Variants in HEPH observed in about 807,000 individuals in gnomAD.
The protein encoded by HEPH is hephaestin.
Under a neutral mutation model 80.8 loss-of-function variants are expected in HEPH, and 69 were observed. The ratio of observed to expected loss-of-function variants is 0.85; its 90% confidence interval spans 0.70 to 1.04. The LOEUF (loss-of-function observed/expected upper bound fraction) is 1.04. HEPH is among the 50% of genes least tolerant of loss of function. The pLI is 0.00. For synonymous variants in HEPH, 431 were observed against 322.8 expected (o/e 1.34, Z -3.60); for missense variants, 1,115 against 891.3 (o/e 1.25, Z -3.20).
chrX:66,187,049 A>G (rs1475881264), intron 4 of HEPH, among the ~76,000 whole-genome samples: 3 of 110,886 alleles, frequency 2.7e-5, no homozygotes, highest in East Asian at 2.8e-4. Flanking sequence ...TTGCATTTCT[A>G]TAAGTGTGTC....
At chrX:66,257,479 G>T (rs188621391) in intron 17 of HEPH, among the ~76,000 whole-genome samples, 1 of 112,067 alleles carries the variant, frequency 8.9e-6, no homozygotes, top group East Asian at 2.8e-4. Flanking sequence ...AGATGCTTAA[G>T]ATCAAATGTG....
upstream of HEPH, among the ~76,000 whole-genome samples, chrX:66,163,270 T>C (rs937181645): frequency 9.0e-6 from 1 of 111,541 alleles, no homozygotes; most frequent in African/African-American, 3.3e-5. Context: ...ACAGTGACTT[T>C]TCACTCTTCT....
chrX:66,266,605 G>C lies in HEPH; in HGVS notation c.3410G>C (p.Arg1137Thr), dbSNP rs1468153622. 1 of 1,208,003 alleles carries C rather than the reference G, an allele frequency of 8.3e-7. No individual in the cohort carries two copies. Among genetic ancestry groups the C allele is most frequent in the African/African-American group, 1.8e-5 (1 of 56,682 alleles). Reference protein sequence around the residue: ...GGVVWYQHRQRKLRRNRRSIL... With the variant: ...GGVVWYQHRQTKLRRNRRSIL... ...GTGGTTTGGTACCAACATCGACAGA[G>C]AAAGCTACGACGCAATAGGAGGTCC... The change falls in exon 21 of 21, where the codon AGA (arginine) becomes ACA (threonine). Residue 1137 changes from arginine (R) to threonine (T), a missense_variant. Transcript: ENST00000343002.
At chrX:66,259,840 C>T (rs1481972144) in intron 18 of HEPH, among the ~76,000 whole-genome samples, 1 of 109,466 alleles carries the variant, frequency 9.1e-6, no homozygotes, top group African/African-American at 3.3e-5. Context: ...TCCCGAGTAG[C>T]TGGGACTACA....
intron 15 of HEPH, among the ~76,000 whole-genome samples, chrX:66,248,086 C>T (rs2090878377): frequency 9.1e-6 from 1 of 110,303 alleles, no homozygotes; most frequent in Non-Finnish European, 1.9e-5. Context: ...CATTTTTTTA[C>T]TTACCTAAGT....
At chrX:66,189,968 T>A (rs2087703426) in intron 6 of HEPH, 30 bp downstream of exon 6, 1 of 1,146,044 alleles carries the variant, frequency 8.7e-7, no homozygotes, top group Admixed American at 2.7e-5. Flanking sequence ...ACCATTGGGT[T>A]GTAAGAGAGA....
rs1452572124 is a variant in HEPH at position 66,249,339 on chromosome X, A to G, written c.2564-5696A>G. ...TATATACAATGGAATTAATAGTAATATCTGTCTCATAGGGATTTTGAATTA... is the reference window on the plus strand; with the variant it reads ...TATATACAATGGAATTAATAGTAATGTCTGTCTCATAGGGATTTTGAATTA... On this transcript the variant is annotated intron_variant, in intron 15 of 20. Transcript: ENST00000343002. Among the ~76,000 whole-genome samples, 4 of 112,105 alleles carry G rather than the reference A, an allele frequency of 3.6e-5. No homozygotes were observed. The East Asian group carries it at 1.1e-3, about 31-fold the overall frequency.
chrX:66,169,278 A>G lies in HEPH; in HGVS notation c.-13-1280A>G, dbSNP rs777003671. On this transcript the variant is annotated intron_variant, in intron 1 of 20. Transcript: ENST00000343002. ...CACATACGATAAATATAGCTTTATT[A>G]TTATTATTCTGAAGTTGACTAAGAT... is the stretch of plus-strand genomic sequence containing the variant. Among the ~76,000 whole-genome samples, 6 of 112,210 alleles carry G rather than the reference A, an allele frequency of 5.3e-5. No homozygotes were observed. The South Asian group carries it at 2.2e-3, about 42-fold the overall frequency.
Position 66,208,205 on chromosome X carries a change from T to G in HEPH, c.2522T>G (p.Val841Gly). ...CCCTACTCTGTGCATGCTCATGGAGTGCTAGAATCTACTACTGTCTGGCCA... is the reference window on the plus strand; with the variant it reads ...CCCTACTCTGTGCATGCTCATGGAGGGCTAGAATCTACTACTGTCTGGCCA... ...SRPYSVHAHG[V>G]LESTTVWPLA... The change falls in exon 15 of 21, where the codon GTG (valine) becomes GGG (glycine). Residue 841 changes from valine to glycine, a missense_variant. By Grantham distance (109) the Val-to-Gly change is moderately radical (BLOSUM62 -3). Coordinates refer to ENST00000343002, the MANE Select transcript of HEPH (RefSeq NM_001367233.3). 1 of 1,208,496 alleles carries G rather than the reference T, an allele frequency of 8.3e-7. No individual in the cohort carries two copies. The highest frequency in any genetic ancestry group is 1.1e-6 in the Non-Finnish European group (1 of 893,599).
At chrX:66,193,872 G>A (rs2087944806) in intron 8 of HEPH, among the ~76,000 whole-genome samples, 1 of 111,741 alleles carries the variant, frequency 8.9e-6, no homozygotes, top group Admixed American at 9.5e-5. Context: ...GGAGCCTTAG[G>A]TTTATTTTTG....
At chrX:66,267,901 A>G (rs779099369), downstream of HEPH, 2 of 111,777 alleles carry the variant, frequency 1.8e-5, no homozygotes, top group East Asian at 5.6e-4. Context: ...TGCAATATCC[A>G]TAATATTGTA....
At chrX:66,186,668 C>T (rs756080982) in intron 4 of HEPH, among the ~76,000 whole-genome samples, 149 of 111,848 alleles carry the variant, frequency 1.3e-3, no homozygotes, top group African/African-American at 4.5e-3. Flanking sequence ...TCTTCTGCGT[C>T]GCTCACGCTG....
intron 15 of HEPH, among the ~76,000 whole-genome samples, chrX:66,210,358 A>G (rs1293847704): frequency 1.8e-5 from 2 of 112,177 alleles, no homozygotes; most frequent in Non-Finnish European, 3.8e-5. Context: ...TAAGAGATTG[A>G]AAACAGTGAG....
Position 66,188,394 on chromosome X carries a change from G to T in HEPH, c.661G>T (p.Asp221Tyr), listed in dbSNP as rs767741867. The change falls in exon 5 of 21, where the codon GAT becomes TAT. Residue 221 changes from aspartate (D) to tyrosine (Y), a missense_variant. Physicochemically the swap from Asp to Tyr is radical, Grantham distance 160. Around this residue, in one of 3 missense-constraint regions of HEPH, gnomAD observed 391 missense variants for 343.6 expected, o/e 1.14. Transcript: ENST00000343002. ...TGGGAACTCCCCTCCTCAACGCCAG[G>T]ATGTAGACCATGATTTCTTCCTCCT... ...LDGNSPPQRQ[D>Y]VDHDFFLLFS... is the part of the protein sequence containing the mutation. The T allele has an allele frequency of 7.5e-6, 9 of 1,201,354 alleles. 1 individual carries two copies. In the South Asian group the frequency reaches 1.3e-4, roughly 17 times the overall value.
chrX:66,199,096 C>A, intron 11 of HEPH, 68 bp downstream of exon 11: 1 of 1,036,771 alleles, frequency 9.6e-7, no homozygotes, highest in Non-Finnish European at 1.3e-6. Flanking sequence ...TAACCGTAAT[C>A]ATGACCAATC....
chrX:66,246,953 T>G (rs1389651458), intron 15 of HEPH, among the ~76,000 whole-genome samples: 2 of 112,238 alleles, frequency 1.8e-5, no homozygotes, highest in Non-Finnish European at 3.8e-5. Context: ...ATAGAATTCT[T>G]TATTGACGAG....
chrX:66,200,733 C>T lies in HEPH; in HGVS notation c.2058C>T (p.Ile686=), dbSNP rs1219422331. 8.3e-7 allele frequency: 1 copy of T among 1,210,064 alleles called. No homozygotes were observed. Among genetic ancestry groups the T allele is most frequent in the South Asian group, 1.8e-5 (1 of 56,678 alleles). The part of the protein sequence containing the change: ...MLFPHTFVMA[I]MQPDNLGTFE... ...TTCCTCATACCTTTGTCATGGCCAT[C>T]ATGCAGCCTGACAACCTTGGTAAGT... Residue 686 remains isoleucine, a synonymous_variant, in exon 12 of 21, where the codon ATC becomes ATT. Coordinates refer to ENST00000343002, the MANE Select transcript of HEPH (RefSeq NM_001367233.3).
intron 13 of HEPH, among the ~76,000 whole-genome samples, chrX:66,205,187 A>G (rs184753063): frequency 8.9e-6 from 1 of 111,858 alleles, no homozygotes; most frequent in East Asian, 2.8e-4. Context: ...TGGGCATGTT[A>G]TGTGATGCTG....
Position 66,266,564 on chromosome X carries a change from T to C in HEPH, c.3369T>C (p.Val1123=). The stretch of plus-strand genomic sequence containing the variant: ...TTAGTGTCACCCTTCTGCTCGTTGT[T>C]CTGGCTCTTGGTGGAGTGGTTTGGT... The part of the protein sequence containing the change: ...VAISVTLLLV[V]LALGGVVWYQ... The change falls in exon 21 of 21, where the codon GTT becomes GTC. Residue 1123 remains valine, a synonymous_variant. Transcript: ENST00000343002. 8.3e-7 allele frequency: 1 copy of C among 1,210,833 alleles called. No individual in the cohort carries two copies. Among genetic ancestry groups the C allele is most frequent in the Non-Finnish European group, 1.1e-6 (1 of 894,894 alleles).
Sources: allele counts gnomAD v4.1 joint callset (sites outside exome capture counted in the v4.1 genomes callset), GRCh38; gene constraint gnomAD v4.1.1; regional missense constraint gnomAD v4.1.1; transcripts MANE v1.5; gene names NCBI Gene and HGNC (gene_info 2026-07-23, HGNC 2026-07-21).